Variants in NFYC observed in about 807,000 individuals in gnomAD.
NFYC encodes the protein nuclear transcription factor Y subunit gamma, also known as CAAT box DNA-binding protein subunit C.
A neutral mutation model predicts 53.1 loss-of-function variants in NFYC; 25 were observed. The ratio of observed to expected loss-of-function variants is 0.47; its 90% confidence interval spans 0.34 to 0.66. The LOEUF (loss-of-function observed/expected upper bound fraction) is 0.66. Ranked by LOEUF, NFYC falls within the 30% of genes least tolerant of loss-of-function variation. NFYC has a pLI of 0.01. For missense variants in NFYC, 260 were observed against 422.7 expected (o/e 0.62, Z 3.38); for synonymous variants, 145 against 152.6 (o/e 0.95, Z 0.37).
rs191872440 is a variant in NFYC at position 40,753,666 on chromosome 1, A to G, written c.387+420A>G. On this transcript the variant is annotated intron_variant, in intron 5 of 9. Transcript: ENST00000447388. Reference sequence around the variant, plus strand: ...TTTCTCTTCCTCTATATTGTGGTTCATTATATCTTTATATAGTACCCTGAC... The same window carrying G: ...TTTCTCTTCCTCTATATTGTGGTTCGTTATATCTTTATATAGTACCCTGAC... Among the ~76,000 whole-genome samples the G allele has an allele frequency of 1.1e-3, 163 of 152,290 alleles. 1 individual carries two copies. The highest frequency in any genetic ancestry group is 3.7e-3 in the South Asian group (18 of 4,828).
chr1:40,732,923 C>G (rs1159902917), intron 1 of NFYC, among the ~76,000 whole-genome samples: 2 of 150,828 alleles, frequency 1.3e-5, no homozygotes. Flanking sequence ...CTCATTTAGT[C>G]TAAGCTTCTG....
intron 1 of NFYC, among the ~76,000 whole-genome samples, chr1:40,704,080 TG>T (rs576405531): frequency 2.5e-5 from 2 of 80,820 alleles, no homozygotes; most frequent in East Asian, 5.6e-4. Context: ...GTGATTTAAG[TG>T]TTTTTTTTTT....
intron 4 of NFYC, 101 bp from the exon 5 acceptor site, chr1:40,753,050 A>T: frequency 1.3e-6 from 1 of 747,388 alleles, no homozygotes; most frequent in Non-Finnish European, 2.3e-6. Flanking sequence ...GTAGGTGTTT[A>T]GTTTGGCTTA....
At chr1:40,700,167 T>C (rs1224912596) in intron 1 of NFYC, among the ~76,000 whole-genome samples, 2 of 152,204 alleles carry the variant, frequency 1.3e-5, no homozygotes, top group East Asian at 1.9e-4. Flanking sequence ...ACGTAGACTC[T>C]TAAGGATGAA....
chr1:40,737,934 G>A (rs1277162194), intron 1 of NFYC, among the ~76,000 whole-genome samples: 2 of 130,396 alleles, frequency 1.5e-5, no homozygotes, highest in African/African-American at 6.0e-5. Flanking sequence ...ACGGAGTCTC[G>A]CTCTGTCGCC....
At chr1:40,730,009 G>A (rs1304462145) in intron 1 of NFYC, among the ~76,000 whole-genome samples, 4 of 151,544 alleles carry the variant, frequency 2.6e-5, no homozygotes, top group African/African-American at 9.7e-5. Flanking sequence ...TCCTCACTAA[G>A]CTTAATCATT....
At chr1:40,743,041 A>AGGG (rs1228994756) in intron 2 of NFYC, among the ~76,000 whole-genome samples, 7 of 152,240 alleles carry the variant, frequency 4.6e-5, no homozygotes, top group Non-Finnish European at 8.8e-5. Context: ...TAAACTAGCC[A>AGGG]ATCATAAGTA....
At chr1:40,736,330 A>C (rs1355414567) in intron 1 of NFYC, among the ~76,000 whole-genome samples, 1 of 152,236 alleles carries the variant, frequency 6.6e-6, no homozygotes, top group Non-Finnish European at 1.5e-5. Context: ...TAAACATTTA[A>C]GAGTGAATTG....
chr1:40,748,414 G>A (rs1392747213), intron 3 of NFYC, among the ~76,000 whole-genome samples: 2 of 152,160 alleles, frequency 1.3e-5, no homozygotes, highest in Non-Finnish European at 2.9e-5. Flanking sequence ...GCTAGGATTA[G>A]GCATGAGCCA....
At chr1:40,721,436 T>G (rs1644323333) in intron 1 of NFYC, among the ~76,000 whole-genome samples, 1 of 152,142 alleles carries the variant, frequency 6.6e-6, no homozygotes, top group Non-Finnish European at 1.5e-5. Context: ...AGTGGGGAGC[T>G]GCCTGGACTC....
chr1:40,737,930 T>C (rs1194050150), intron 1 of NFYC, among the ~76,000 whole-genome samples: 1 of 141,874 alleles, frequency 7.0e-6, no homozygotes, highest in African/African-American at 2.7e-5. Flanking sequence ...TGAGACGGAG[T>C]CTCGCTCTGT....
chr1:40,747,943 C>T (rs1217566822), intron 3 of NFYC, among the ~76,000 whole-genome samples: 3 of 151,246 alleles, frequency 2.0e-5, no homozygotes, highest in African/African-American at 7.3e-5. Context: ...TCAGGCAATT[C>T]CCATGCCTCA....
chr1:40,737,806 T>G (rs1347137053), intron 1 of NFYC, among the ~76,000 whole-genome samples: 2 of 152,292 alleles, frequency 1.3e-5, no homozygotes, highest in East Asian at 3.9e-4. Context: ...GAGACAGATT[T>G]GTCTGAGATT....
At position 40,757,848 on chromosome 1, in the gene NFYC, T is replaced by C. The variant is rs554106731; in HGVS notation, c.388-273T>C. 7.5e-6 allele frequency: 4 copies of C among 531,886 alleles called. No individual in the cohort carries two copies. In the East Asian group the frequency reaches 1.0e-4, roughly 13 times the overall value. The allele number at this position is 531,886 out of a possible 1,614,324, so 32.9% of individuals were successfully genotyped here. On this transcript the variant is annotated intron_variant, in intron 5 of 9. Coordinates refer to ENST00000447388, the MANE Select transcript of NFYC (RefSeq NM_014223.5). ...GTGTGGTTTTTAGTTACGGTACTTA[T>C]TTGCCCGTTTGCAACTTATCATGCA...
Position 40,770,922 on chromosome 1 carries a change from C to T in NFYC, c.*94C>T. 2.2e-6 allele frequency: 3 copies of T among 1,370,104 alleles called. No homozygotes were observed. Among genetic ancestry groups the T allele is most frequent in the Admixed American group, 1.8e-5 (1 of 56,680 alleles). 84.9% of individuals were successfully genotyped at this position (1,370,104 alleles called of 1,614,324 possible). ...AGCCTTCCTCCCCAGAGGACCCGGC[C>T]GACCTCAGCGCCTCCTGCAGGCTAG... On this transcript the variant is annotated 3_prime_UTR_variant, in exon 10 of 10. Transcript: ENST00000447388. This position sits in a 1 kb window ranked among gnomAD's most constrained non-coding sequence, Gnocchi z 5.3.
chr1:40,729,754 C>T (rs1277970424), intron 1 of NFYC, among the ~76,000 whole-genome samples: 2 of 151,692 alleles, frequency 1.3e-5, no homozygotes, highest in African/African-American at 4.9e-5. Context: ...CAGCTGACTG[C>T]AACCTTCGCC....
chr1:40,759,415 G>A, intron 6 of NFYC, among the ~76,000 whole-genome samples: 1 of 151,890 alleles, frequency 6.6e-6, no homozygotes, highest in Non-Finnish European at 1.5e-5. Flanking sequence ...ATGCTCTTAT[G>A]GCCCCAGCTA....
At position 40,769,812 on chromosome 1, in the gene NFYC, C is replaced by T. The variant is rs189202267; in HGVS notation, c.888+397C>T. Among the ~76,000 whole-genome samples the T allele has an allele frequency of 6.8e-4, 103 of 152,230 alleles. 2 individuals carry two copies. In the East Asian group the frequency reaches 0.011, roughly 16 times the overall value. ...GTTTTAATAGCATGGACTGTTGAGA[C>T]GCAGAGAACACGTGACCTCTTGAGC... is the stretch of plus-strand genomic sequence containing the variant. On this transcript the variant is annotated intron_variant, in intron 9 of 9. Coordinates refer to ENST00000447388, the MANE Select transcript of NFYC (RefSeq NM_014223.5).
Position 40,691,818 on chromosome 1 carries a change from C to T in NFYC, c.-58C>T. 1 of 440,080 alleles carries T rather than the reference C, an allele frequency of 2.3e-6. No homozygotes were observed. Among genetic ancestry groups the T allele is most frequent in the Non-Finnish European group, 4.6e-6 (1 of 218,452 alleles). 27.3% of individuals were successfully genotyped at this position (440,080 alleles called of 1,614,324 possible). Reference sequence around the variant, plus strand: ...GCCTGGGCCTCTGCATTGCCCGACTCCGTAGGAGCGCGGGGGCGGCTCCTG... The same window carrying T: ...GCCTGGGCCTCTGCATTGCCCGACTTCGTAGGAGCGCGGGGGCGGCTCCTG... On this transcript the variant is annotated 5_prime_UTR_variant, in exon 1 of 10. Transcript: ENST00000447388.
Sources: allele counts gnomAD v4.1 joint callset (sites outside exome capture counted in the v4.1 genomes callset), GRCh38; gene constraint gnomAD v4.1.1; non-coding constraint Gnocchi (gnomAD v3.1); transcripts MANE v1.5; gene names NCBI Gene and HGNC (gene_info 2026-07-23, HGNC 2026-07-21).